The following POU2F1 variants were observed in gnomAD, a reference collection of about 807,000 sequenced individuals.
POU2F1 encodes POU domain, class 2, transcription factor 1.
Under a neutral mutation model 84.9 loss-of-function variants are expected in POU2F1, and 16 were observed. That is an observed-to-expected ratio of 0.19 (90% CI 0.13 to 0.29). POU2F1 has a LOEUF of 0.29. Among genes scored for constraint, POU2F1 ranks in the 10% least tolerant of loss-of-function variants. The pLI is 1.00. For missense variants in POU2F1, 738 were observed against 942.6 expected, an observed-to-expected ratio of 0.78 and a Z score of 2.84; for synonymous variants, 368 against 368.3, an observed-to-expected ratio of 1.00 and a Z score of 0.01.
intron 1 of POU2F1, among the ~76,000 whole-genome samples, chr1:167,237,005 G>A (rs1447003610): frequency 2.0e-5 from 3 of 152,124 alleles, no homozygotes; most frequent in Non-Finnish European, 2.9e-5. Flanking sequence ...AATATTTTCA[G>A]TGCTGGATTT....
At chr1:167,304,172 A>G (rs1654898475) in intron 1 of POU2F1, among the ~76,000 whole-genome samples, 1 of 152,214 alleles carries the variant, frequency 6.6e-6, no homozygotes. Flanking sequence ...GTACGTGTCT[A>G]AGAGAATAAA....
At chr1:167,300,990 G>C (rs186549483) in intron 1 of POU2F1, among the ~76,000 whole-genome samples, 57 of 151,950 alleles carry the variant, frequency 3.8e-4, no homozygotes, top group African/African-American at 1.3e-3. Context: ...GGCTGGTCTT[G>C]AACTCCTAAC....
intron 7 of POU2F1, 100 bp downstream of exon 7, chr1:167,376,255 C>A: frequency 7.9e-7 from 1 of 1,268,030 alleles, no homozygotes; most frequent in South Asian, 2.1e-5. Context: ...AACTATTAGA[C>A]CAATGTTTTT....
intron 9 of POU2F1, among the ~76,000 whole-genome samples, chr1:167,395,019 A>ATAG (rs1394752632): frequency 6.6e-6 from 1 of 152,172 alleles, no homozygotes; most frequent in African/African-American, 2.4e-5. Context: ...GATTAGTTGT[A>ATAG]TAGTACTTTG....
rs556140801 is a variant in POU2F1 at position 167,376,370 on chromosome 1, G to C, written c.718+215G>C. On this transcript the variant is annotated intron_variant, in intron 7 of 15. Transcript: ENST00000367866. ...GGTTGCCCTGAACTGCCATTCATCT[G>C]CTTAATCACTAAGGAAGAACCAAGA... Among the ~76,000 whole-genome samples the C allele has an allele frequency of 7.2e-5, 11 of 152,294 alleles. No individual in the cohort carries two copies. In the East Asian group the frequency reaches 1.9e-3, roughly 27 times the overall value.
At chr1:167,326,394 G>A (rs1358776862) in intron 1 of POU2F1, among the ~76,000 whole-genome samples, 1 of 152,138 alleles carries the variant, frequency 6.6e-6, no homozygotes, top group Non-Finnish European at 1.5e-5. Context: ...GAACTTTGTG[G>A]GAAAAGCTGT....
chr1:167,393,366 GA>G (rs1648564379), intron 9 of POU2F1, among the ~76,000 whole-genome samples: 2 of 152,128 alleles, frequency 1.3e-5, no homozygotes, highest in African/African-American at 4.8e-5. Flanking sequence ...ATTAATAAAT[GA>G]TAAAGTGAGT....
At chr1:167,313,718 C>A (rs1018181217) in intron 1 of POU2F1, among the ~76,000 whole-genome samples, 4 of 152,120 alleles carry the variant, frequency 2.6e-5, no homozygotes, top group African/African-American at 9.7e-5. Context: ...AACATACAAT[C>A]CATAAAAAAT....
At chr1:167,401,726 C>T (rs1234823345) in intron 13 of POU2F1, among the ~76,000 whole-genome samples, 170 bp downstream of exon 13, 1 of 152,166 alleles carries the variant, frequency 6.6e-6, no homozygotes, top group Admixed American at 6.5e-5. Context: ...CTTCAATAGC[C>T]GTGGCTTTTT....
intron 1 of POU2F1, among the ~76,000 whole-genome samples, chr1:167,328,704 A>C (rs530009647): frequency 1.8e-4 from 28 of 152,254 alleles, no homozygotes; most frequent in Admixed American, 3.3e-4. Context: ...GTCTCATTTT[A>C]TCCTCCTAAT....
chr1:167,330,957 G>A (rs1321601608), intron 1 of POU2F1, among the ~76,000 whole-genome samples: 3 of 152,004 alleles, frequency 2.0e-5, no homozygotes, highest in Non-Finnish European at 4.4e-5. Context: ...TACATTTGTT[G>A]TGATCTCTGT....
At chr1:167,407,010 AT>A (rs71301011) in intron 13 of POU2F1, among the ~76,000 whole-genome samples, 7 of 147,750 alleles carry the variant, frequency 4.7e-5, no homozygotes, top group African/African-American at 7.3e-5. Flanking sequence ...ATAAATATAT[AT>A]TTTTTTATTT....
chr1:167,364,826 C>T (rs1483463993), intron 2 of POU2F1, among the ~76,000 whole-genome samples: 1 of 152,032 alleles, frequency 6.6e-6, no homozygotes, highest in East Asian at 1.9e-4. Flanking sequence ...ACCTTGGCCT[C>T]CCAAAGTGCT....
At chr1:167,331,502 T>G (rs1471414207) in intron 1 of POU2F1, among the ~76,000 whole-genome samples, 1 of 152,114 alleles carries the variant, frequency 6.6e-6, no homozygotes, top group Non-Finnish European at 1.5e-5. Flanking sequence ...CTAAATAAGT[T>G]AATGTGGGTA....
intron 13 of POU2F1, among the ~76,000 whole-genome samples, chr1:167,407,836 T>G (rs1285549328): frequency 2.0e-5 from 3 of 152,104 alleles, no homozygotes; most frequent in Non-Finnish European, 4.4e-5. Flanking sequence ...TTTGTGACCT[T>G]GGGTTAAGCA....
rs145913981 is a variant in POU2F1, at chr1:167,245,229, T to A, written c.61+24271T>A. Among the ~76,000 whole-genome samples the A allele has an allele frequency of 1.1e-3, 163 of 152,102 alleles. 1 individual carries two copies. Among genetic ancestry groups the A allele is most frequent in the African/African-American group, 3.6e-3 (149 of 41,490 alleles). On this transcript the variant is annotated intron_variant, in intron 1 of 15. Coordinates refer to ENST00000367866, the MANE Select transcript of POU2F1 (RefSeq NM_002697.4). ...TTGTTAAAATGGCTAAAAGCTATTATGTGACTCAAATTTCTTTTTTTTTTT... is the reference window on the plus strand; with the variant it reads ...TTGTTAAAATGGCTAAAAGCTATTAAGTGACTCAAATTTCTTTTTTTTTTT...
chr1:167,325,104 ATAAT>A (rs1273024977), intron 1 of POU2F1, among the ~76,000 whole-genome samples: 11 of 152,194 alleles, frequency 7.2e-5, no homozygotes, highest in Admixed American at 7.2e-4. Context: ...TTTTTTGTAA[ATAAT>A]TATTGATAAT....
At position 167,332,423 on chromosome 1, in the gene POU2F1, C is replaced by G; in HGVS notation, c.62-47C>G. 2.0e-6 allele frequency: 3 copies of G among 1,478,624 alleles called. No individual in the cohort carries two copies. The East Asian group carries it at 6.8e-5, about 34-fold the overall frequency. The allele number at this position is 1,478,624 out of a possible 1,614,324, so 91.6% of individuals were successfully genotyped here. A position where few individuals can be genotyped will look rare whatever the true frequency, so the allele number is the denominator to read the frequency against. Reference sequence around the variant, plus strand: ...CAGTTTTGCCTCCTCAATCCCATCTCCATCCCCAGTTTTTTAAAAACCTTA... The same window carrying G: ...CAGTTTTGCCTCCTCAATCCCATCTGCATCCCCAGTTTTTTAAAAACCTTA... On this transcript the variant is annotated intron_variant, in intron 1 of 15. Coordinates refer to ENST00000367866, the MANE Select transcript of POU2F1 (RefSeq NM_002697.4).
intron 1 of POU2F1, among the ~76,000 whole-genome samples, chr1:167,320,063 A>T (rs1656200625): frequency 6.6e-6 from 1 of 152,226 alleles, no homozygotes; most frequent in Admixed American, 6.5e-5. Flanking sequence ...ATGAGCCCTA[A>T]TGTGAGTTGA....
Sources: gnomAD v4.1 joint callset for allele counts (sites outside exome capture counted in the v4.1 genomes callset) on GRCh38, gnomAD v4.1.1 for gene constraint, MANE v1.5 for transcripts, NCBI Gene and HGNC (gene_info 2026-07-23, HGNC 2026-07-21) for gene names.